The following DENND4A variants were observed in gnomAD, a reference collection of about 807,000 sequenced individuals.
DENND4A encodes the protein DENN domain containing 4A.
Under a neutral mutation model 199.3 loss-of-function variants are expected in DENND4A, and 70 were observed. The ratio of observed to expected loss-of-function variants is 0.35; its 90% CI spans 0.29 to 0.43. DENND4A has a LOEUF of 0.43. Ranked by LOEUF, DENND4A falls within the 20% of genes least tolerant of loss-of-function variation. DENND4A has a pLI of 1.00. For missense variants in DENND4A, 1,723 were observed against 2,255.8 expected, an observed-to-expected ratio of 0.76 and a Z score of 4.78; for synonymous variants, 686 against 766.9, an observed-to-expected ratio of 0.89 and a Z score of 1.74.
At chr15:65,791,147 T>C (rs2077707966) in intron 1 of DENND4A, among the ~76,000 whole-genome samples, 1 of 152,216 alleles carries the variant, frequency 6.6e-6, no homozygotes, top group Non-Finnish European at 1.5e-5. Context: ...ACGCGTTTTC[T>C]CCTCAAATAA....
intron 12 of DENND4A, 109 bp downstream of exon 12, chr15:65,722,739 G>T: frequency 4.8e-6 from 4 of 841,458 alleles, no homozygotes; most frequent in South Asian, 3.4e-5. Context: ...CTTTAAAATG[G>T]TAAAACCGCT....
chr15:65,732,740 A>G lies in DENND4A; in HGVS notation c.1107+12T>C. On this transcript the variant is annotated intron_variant, in intron 8 of 32. Coordinates refer to ENST00000443035, the MANE Select transcript of DENND4A (RefSeq NM_001320835.1). ...CTCATAGGTCCCCCAATCAAAAACA[A>G]AAAAACCTTACCTGAACTAAAATCC... The G allele has an allele frequency of 6.4e-7, 1 of 1,561,024 alleles. No homozygotes were observed. The highest frequency in any genetic ancestry group is 8.8e-7 in the Non-Finnish European group (1 of 1,142,826).
chr15:65,726,889 G>C (rs973948943), intron 11 of DENND4A, among the ~76,000 whole-genome samples: 34 of 152,254 alleles, frequency 2.2e-4, no homozygotes, highest in African/African-American at 8.2e-4. Context: ...CTGGAAGGAA[G>C]AGGTTGCAGT....
intron 24 of DENND4A, among the ~76,000 whole-genome samples, chr15:65,672,826 T>A (rs1050467710): frequency 6.6e-5 from 10 of 151,928 alleles, no homozygotes; most frequent in Admixed American, 2.6e-4. Flanking sequence ...TCTCAACACA[T>A]GTTTTTCTCT....
At chr15:65,675,632 G>A (rs1042385423) in intron 24 of DENND4A, among the ~76,000 whole-genome samples, 26 of 151,036 alleles carry the variant, frequency 1.7e-4, no homozygotes, top group African/African-American at 4.1e-4. Context: ...AATGCAAATG[G>A]TCCTTAAACA....
chr15:65,785,431 A>G (rs2077541439), intron 1 of DENND4A, among the ~76,000 whole-genome samples: 2 of 150,806 alleles, frequency 1.3e-5, no homozygotes, highest in South Asian at 2.1e-4. Flanking sequence ...TTGAGGTTGC[A>G]GTGAGCCATG....
At chr15:65,739,010 C>G in intron 5 of DENND4A, 135 bp from the exon 6 acceptor site, 1 of 601,642 alleles carries the variant, frequency 1.7e-6, no homozygotes, top group East Asian at 3.1e-5. Context: ...TCAAATAACA[C>G]TGAATACTTT....
intron 2 of DENND4A, among the ~76,000 whole-genome samples, 172 bp from the exon 3 acceptor site, chr15:65,756,644 T>G (rs1172835097): frequency 3.3e-5 from 5 of 152,208 alleles, no homozygotes; most frequent in Admixed American, 1.3e-4. Flanking sequence ...AAAAACATCT[T>G]TAGCAATCTT....
At chr15:65,785,622 T>C (rs1261694397) in intron 1 of DENND4A, among the ~76,000 whole-genome samples, 1 of 152,034 alleles carries the variant, frequency 6.6e-6, no homozygotes, top group Non-Finnish European at 1.5e-5. Flanking sequence ...TACTCATATA[T>C]AAAGCATTAA....
chr15:65,770,675 TTTCA>T (rs1357882197), intron 1 of DENND4A, among the ~76,000 whole-genome samples: 1 of 152,164 alleles, frequency 6.6e-6, no homozygotes, highest in Non-Finnish European at 1.5e-5. Flanking sequence ...TTTGAAAAAG[TTTCA>T]TTGTTTAAAG....
intron 12 of DENND4A, among the ~76,000 whole-genome samples, chr15:65,718,669 G>A (rs2075492367): frequency 6.8e-6 from 1 of 146,754 alleles, no homozygotes; most frequent in Admixed American, 6.9e-5. Flanking sequence ...ACCATCAAGT[G>A]ATTATGGTGA....
At position 65,728,008 on chromosome 15, in the gene DENND4A, T is replaced by G. The variant is rs367886564; in HGVS notation, c.1487+1064A>C. ...TATGATGAGTTTTTTTTGTTTGTTT[T>G]TTTTTGTTTTTTTCTTTTGAGACAG... On this transcript the variant is annotated intron_variant, in intron 11 of 32. Coordinates refer to ENST00000443035, the MANE Select transcript of DENND4A (RefSeq NM_001320835.1). Among the ~76,000 whole-genome samples the G allele has an allele frequency of 1.7e-3, 263 of 152,150 alleles. 1 individual carries two copies. The highest frequency in any genetic ancestry group is 2.9e-3 in the Admixed American group (44 of 15,298).
At chr15:65,774,610 G>A (rs187976502) in intron 1 of DENND4A, among the ~76,000 whole-genome samples, 125 of 151,708 alleles carry the variant, frequency 8.2e-4, no homozygotes, top group African/African-American at 2.9e-3. Context: ...AGAGGTTGCT[G>A]AGTGAGCTGA....
intron 23 of DENND4A, among the ~76,000 whole-genome samples, chr15:65,683,613 T>C (rs1454196310): frequency 1.3e-5 from 2 of 152,248 alleles, no homozygotes; most frequent in Non-Finnish European, 2.9e-5. Flanking sequence ...TATGATTTTA[T>C]CTTTGATTCA....
rs920201421 is a variant in DENND4A at position 65,702,626 on chromosome 15, T to A, written c.2224-115A>T. On this transcript the variant is annotated intron_variant, in intron 16 of 32. Coordinates refer to ENST00000443035, the MANE Select transcript of DENND4A (RefSeq NM_001320835.1). ...TTTATAATGTTTCCATAACAAAATA[T>A]GTCTGTAATTAATGCGTTTTCAAGT... The A allele has an allele frequency of 8.2e-6, 8 of 975,060 alleles. No individual in the cohort carries two copies. In the African/African-American group the frequency reaches 9.9e-5, roughly 12 times the overall value. The allele number at this position is 975,060 out of a possible 1,614,324, so 60.4% of individuals were successfully genotyped here. A position where few individuals can be genotyped will look rare whatever the true frequency, so the allele number is the denominator to read the frequency against.
intron 20 of DENND4A, among the ~76,000 whole-genome samples, chr15:65,698,632 G>A (rs982312224): frequency 2.7e-5 from 4 of 150,422 alleles, no homozygotes; most frequent in African/African-American, 7.3e-5. Flanking sequence ...TCAAACTTCA[G>A]GTCCATTTTT....
intron 4 of DENND4A, among the ~76,000 whole-genome samples, chr15:65,752,032 G>C (rs529310588): frequency 7.2e-4 from 98 of 135,330 alleles, no homozygotes; most frequent in African/African-American, 2.6e-3. Context: ...CTAAAGCCAT[G>C]TCTTCAAATG....
chr15:65,729,373 T>C (rs770668794), intron 10 of DENND4A, 126 bp from the exon 11 acceptor site: 3 of 1,373,312 alleles, frequency 2.2e-6, no homozygotes, highest in Non-Finnish European at 3.0e-6. Flanking sequence ...AATGAAATAA[T>C]TATAACTAGA....
intron 13 of DENND4A, 120 bp downstream of exon 13, chr15:65,717,658 G>C (rs2140275782): frequency 1.1e-6 from 1 of 916,066 alleles, no homozygotes. Context: ...CTAGTATTCA[G>C]ATTCTCCTCA....
Sources: allele counts gnomAD v4.1 joint callset (sites outside exome capture counted in the v4.1 genomes callset), GRCh38; gene constraint gnomAD v4.1.1; transcripts MANE v1.5; gene names NCBI Gene and HGNC (gene_info 2026-07-23, HGNC 2026-07-21).